SMIM40: variants seen among roughly 807,000 people sequenced by gnomAD.
The protein encoded by SMIM40 is small integral membrane protein 40.
At chr6:33,324,949 G>C (rs1347038076) in intron 1 of SMIM40, among the ~76,000 whole-genome samples, 1 of 147,622 alleles carries the variant, frequency 6.8e-6, no homozygotes, top group Non-Finnish European at 1.5e-5. Context: ...ACCCAGGCTG[G>C]AATGCGGTGG....
intron 1 of SMIM40, among the ~76,000 whole-genome samples, chr6:33,326,767 T>C (rs1339206266): frequency 6.9e-6 from 1 of 145,316 alleles, no homozygotes; most frequent in Non-Finnish European, 1.5e-5. Flanking sequence ...AAAGTTGCAG[T>C]GAGCCAAGAT....
At chr6:33,328,103 TA>T (rs1771324357) in intron 1 of SMIM40, among the ~76,000 whole-genome samples, 1 of 151,508 alleles carries the variant, frequency 6.6e-6, no homozygotes, top group Non-Finnish European at 1.5e-5. Context: ...AAATAAAAAT[TA>T]AAAAATAAAT....
chr6:33,325,932 C>A (rs1771145397), intron 1 of SMIM40, among the ~76,000 whole-genome samples: 1 of 149,018 alleles, frequency 6.7e-6, no homozygotes, highest in Non-Finnish European at 1.5e-5. Context: ...AACAGTAACT[C>A]CTCCAGAATA....
intron 1 of SMIM40, among the ~76,000 whole-genome samples, chr6:33,326,874 C>A (rs1771216681): frequency 6.7e-6 from 1 of 148,392 alleles, no homozygotes; most frequent in African/African-American, 2.6e-5. Flanking sequence ...GTAATCCCAG[C>A]ACTTTGGGAG....
intron 1 of SMIM40, among the ~76,000 whole-genome samples, chr6:33,325,766 G>A (rs764855417): frequency 1.7e-4 from 25 of 147,808 alleles, no homozygotes; most frequent in Non-Finnish European, 3.4e-4. Context: ...GCTGAGGCAG[G>A]AGAATGGCGT....
At chr6:33,327,245 AC>A (rs1176995448) in intron 1 of SMIM40, among the ~76,000 whole-genome samples, 1 of 144,756 alleles carries the variant, frequency 6.9e-6, no homozygotes, top group Non-Finnish European at 1.5e-5. Context: ...ATATGGTGAC[AC>A]CCCCGTCTCT....
At chr6:33,324,549 T>C (rs9277974) in intron 1 of SMIM40, among the ~76,000 whole-genome samples, 9,808 of 142,854 alleles carry the variant, frequency 0.069, 444 homozygotes, top group Middle Eastern at 0.12. Flanking sequence ...CCTTTTCTTT[T>C]TTTTTTTTTT....
At chr6:33,325,783 G>A (rs1028944171) in intron 1 of SMIM40, among the ~76,000 whole-genome samples, 3 of 147,706 alleles carry the variant, frequency 2.0e-5, no homozygotes, top group South Asian at 2.1e-4. Context: ...GCGTGAACCC[G>A]GGAGGCGGAG....
intron 1 of SMIM40, among the ~76,000 whole-genome samples, chr6:33,325,506 GACT>G: frequency 6.7e-6 from 1 of 148,882 alleles, no homozygotes; most frequent in Admixed American, 6.6e-5. Flanking sequence ...GCCACTCCCA[GACT>G]ACTATCTTAT....
chr6:33,324,882 C>CAAAAAAAAAAAA (rs376451265), intron 1 of SMIM40, among the ~76,000 whole-genome samples: 26 of 47,242 alleles, frequency 5.5e-4, no homozygotes, highest in Admixed American at 1.2e-3. Context: ...GAGATTATCT[C>CAAAAAAAAAAAA]AAAAAAAAAA....
At chr6:33,328,867 CAA>C (rs1189342271) in intron 1 of SMIM40, 118 bp downstream of exon 1, 1 of 356,022 alleles carries the variant, frequency 2.8e-6, no homozygotes, top group Non-Finnish European at 4.8e-6. Flanking sequence ...GCCTAGGTAA[CAA>C]GAGCAAAACT....
At position 33,324,040 on chromosome 6, in the gene SMIM40, A is replaced by C. The variant is rs1468959499; in HGVS notation, c.*40-10T>G. 1.3e-5 allele frequency: 2 copies of C among 152,226 alleles called. No homozygotes were observed. Among genetic ancestry groups the C allele is most frequent in the Admixed American group, 6.5e-5 (1 of 15,278 alleles). The allele number at this position is 152,226 out of a possible 1,614,324, so 9.4% of individuals were successfully genotyped here. A position where few individuals can be genotyped will look rare whatever the true frequency, so the allele number is the denominator to read the frequency against. On this transcript the variant is annotated splice_polypyrimidine_tract_variant and intron_variant, in intron 1 of 2. Coordinates refer to ENST00000494082, the MANE Select transcript of SMIM40 (RefSeq NM_001369203.1). ...TGGGTCCAGAGGTGAGCTTATGAGG[A>C]AACCAGAAAGATTAACAGGGTCCCA...
intron 1 of SMIM40, among the ~76,000 whole-genome samples, chr6:33,324,957 T>TGGTAC (rs1278657132): frequency 1.5e-5 from 2 of 129,520 alleles, no homozygotes; most frequent in Non-Finnish European, 3.2e-5. Context: ...TGGAATGCGG[T>TGGTAC]GGTACGGTCA....
At chr6:33,326,165 T>TC (rs2151008716) in intron 1 of SMIM40, among the ~76,000 whole-genome samples, 1 of 124,544 alleles carries the variant, frequency 8.0e-6, no homozygotes, top group East Asian at 2.0e-4. Flanking sequence ...AATTTATACT[T>TC]TTTTTTTTTT....
At chr6:33,328,351 G>A (rs1290985585) in intron 1 of SMIM40, among the ~76,000 whole-genome samples, 3 of 150,396 alleles carry the variant, frequency 2.0e-5, no homozygotes, top group African/African-American at 4.9e-5. Flanking sequence ...CAACTTTCCC[G>A]GCTAATTTTT....
rs1437899633 is a variant in SMIM40 at position 33,325,477 on chromosome 6, G to A, written c.*40-1447C>T. ...TCCCACCTCAGCGTCTCAAAGTGCT[G>A]GGATTATGGGCGTGAACCGCCACTC... On this transcript the variant is annotated intron_variant, in intron 1 of 2. Coordinates refer to ENST00000494082, the MANE Select transcript of SMIM40 (RefSeq NM_001369203.1). Among the ~76,000 whole-genome samples, 4 of 149,036 alleles carry A rather than the reference G, an allele frequency of 2.7e-5. 1 individual carries two copies. The highest frequency in any genetic ancestry group is 7.8e-5 in the African/African-American group (3 of 38,668).
In SMIM40 at chr6:33,324,077, T is replaced by G. The variant is rs28724911; in HGVS notation, c.*40-47A>C. On this transcript the variant is annotated intron_variant, in intron 1 of 2. Coordinates refer to ENST00000494082, the MANE Select transcript of SMIM40 (RefSeq NM_001369203.1). ...TTAACAGGGTCCCAATCGCTAAGAT[T>G]CCCATTTCCACAAGTGGTGGGCATC... 70 of 152,164 alleles carry G rather than the reference T, an allele frequency of 4.6e-4. 4 individuals carry two copies. Among genetic ancestry groups the G allele is most frequent in the Admixed American group, 6.6e-5 (1 of 15,262 alleles). The allele number at this position is 152,164 out of a possible 1,614,324, so 9.4% of individuals were successfully genotyped here.
chr6:33,324,545 C>CTTTTTTTTTTTTTTTTTTTTCTTT (rs1771016693), intron 1 of SMIM40, among the ~76,000 whole-genome samples: 1 of 103,216 alleles, frequency 9.7e-6, no homozygotes. Context: ...ACCACCTTTT[C>CTTTTTTTTTTTTTTTTTTTTCTTT]TTTTTTTTTT....
At chr6:33,325,193 C>A (rs1771091957) in intron 1 of SMIM40, among the ~76,000 whole-genome samples, 1 of 148,704 alleles carries the variant, frequency 6.7e-6, no homozygotes, top group Non-Finnish European at 1.5e-5. Flanking sequence ...ATGGTGAAAC[C>A]CCGTCTCTAC....
Sources: allele counts gnomAD v4.1 joint callset (sites outside exome capture counted in the v4.1 genomes callset), GRCh38; gene constraint gnomAD v4.1.1; transcripts MANE v1.5; gene names NCBI Gene and HGNC (gene_info 2026-07-23, HGNC 2026-07-21).